Variants in DPP3 observed in about 807,000 individuals in gnomAD.
The protein encoded by DPP3 is dipeptidyl peptidase 3.
A neutral mutation model predicts 89.8 loss-of-function variants in DPP3; 64 were observed. The ratio of observed to expected loss-of-function variants is 0.71; its 90% CI spans 0.58 to 0.88. The LOEUF is 0.88. Among genes scored for constraint, DPP3 ranks in the 40% least tolerant of loss-of-function variants. The pLI is 0.00. For synonymous variants in DPP3, 377 were observed against 404.3 expected (o/e 0.93, Z 0.81); for missense variants, 835 against 972.5 (o/e 0.86, Z 1.88).
In DPP3 at chr11:66,509,372, T is replaced by C; in HGVS notation, c.*121T>C. On this transcript the variant is annotated 3_prime_UTR_variant, in exon 18 of 18. Transcript: ENST00000531863. ...CAGGAGCTTGGACCTTGGTACTACC[T>C]CAGCTGAGGGTGGTGACACAACCCC... 6.5e-7 allele frequency: 1 copy of C among 1,540,580 alleles called. No individual in the cohort carries two copies. The highest frequency in any genetic ancestry group is 8.7e-7 in the Non-Finnish European group (1 of 1,146,794).
chr11:66,508,042 C>T (rs1056317551), intron 17 of DPP3, among the ~76,000 whole-genome samples: 1 of 152,180 alleles, frequency 6.6e-6, no homozygotes, highest in African/African-American at 2.4e-5. Flanking sequence ...TTATTATCCT[C>T]ATTTTTCATC....
At chr11:66,487,383 G>T (rs1404707173) in intron 5 of DPP3, 41 bp downstream of exon 5, 2 of 1,598,442 alleles carry the variant, frequency 1.3e-6, no homozygotes, top group Non-Finnish European at 1.7e-6. Context: ...AGGTTTGGTG[G>T]GGTTCCTAGT....
chr11:66,488,302 C>G lies in DPP3; in HGVS notation c.667+295C>G, dbSNP rs958046711. On this transcript the variant is annotated intron_variant, in intron 6 of 17. Coordinates refer to ENST00000531863, the MANE Select transcript of DPP3 (RefSeq NM_130443.4). ...TCAGGCCGGGCATGGCAGCTCACACCTGTAATCCCAGCACTTTGGGAGGCA... is the reference window on the plus strand; with the variant it reads ...TCAGGCCGGGCATGGCAGCTCACACGTGTAATCCCAGCACTTTGGGAGGCA... Among the ~76,000 whole-genome samples, 6 of 152,228 alleles carry G rather than the reference C, an allele frequency of 3.9e-5. 1 individual carries two copies. Among genetic ancestry groups the G allele is most frequent in the African/African-American group, 1.4e-4 (6 of 41,462 alleles).
intron 17 of DPP3, among the ~76,000 whole-genome samples, chr11:66,507,767 C>T (rs1234045026): frequency 6.8e-6 from 1 of 147,890 alleles, no homozygotes. Flanking sequence ...CAACCTCCAC[C>T]TCCGGAGTCA....
At chr11:66,498,253 C>T (rs1855591626) in intron 16 of DPP3, among the ~76,000 whole-genome samples, 1 of 152,156 alleles carries the variant, frequency 6.6e-6, no homozygotes, top group Non-Finnish European at 1.5e-5. Context: ...GCCACCATGC[C>T]CGGCTAATTT....
rs201663539 is a variant in DPP3 at position 66,497,457 on chromosome 11, C to T, written c.1858C>T (p.Arg620Cys). 17 of 1,613,542 alleles carry T rather than the reference C, an allele frequency of 1.1e-5. 1 individual carries two copies. In the South Asian group the frequency reaches 1.2e-4, roughly 11 times the overall value. Residue 620 changes from arginine to cysteine, a missense_variant, in exon 16 of 18, where the codon CGC (arginine) becomes TGC (cysteine). Arg to Cys is a radical substitution (Grantham distance 180, BLOSUM62 -3). Coordinates refer to ENST00000531863, the MANE Select transcript of DPP3 (RefSeq NM_130443.4). Reference sequence around the variant, plus strand: ...GTCTGTGGGCAAGCCTGCTCTAGAGCGCTTCCTGCGGAGACTTCAGGTAAG... The same window carrying T: ...GTCTGTGGGCAAGCCTGCTCTAGAGTGCTTCCTGCGGAGACTTCAGGTAAG... ...IRSVGKPALE[R>C]FLRRLQVLKS...
Position 66,493,552 on chromosome 11 carries a change from C to T in DPP3, c.1308C>T (p.Ile436=). ...FLEEDDKDLY[I]LWKGPSFDVQ... ...GCTTGTCTTGGCAGGACCTGTACATCCTCTGGAAGGGGCCCTCCTTCGATG... is the reference window on the plus strand; with the variant it reads ...GCTTGTCTTGGCAGGACCTGTACATTCTCTGGAAGGGGCCCTCCTTCGATG... The change falls in exon 12 of 18, where the codon ATC becomes ATT. Residue 436 remains isoleucine, a synonymous_variant. Coordinates refer to ENST00000531863, the MANE Select transcript of DPP3 (RefSeq NM_130443.4). 1 of 1,613,190 alleles carries T rather than the reference C, an allele frequency of 6.2e-7. No homozygotes were observed. The highest frequency in any genetic ancestry group is 1.1e-5 in the South Asian group (1 of 91,058).
At chr11:66,507,788 C>T (rs930239188) in intron 17 of DPP3, among the ~76,000 whole-genome samples, 25 of 151,696 alleles carry the variant, frequency 1.6e-4, no homozygotes, top group Non-Finnish European at 2.5e-4. Flanking sequence ...AATGATTCTC[C>T]GGCCTCAGCC....
Position 66,486,685 on chromosome 11 carries a change from C to T in DPP3, c.498+8C>T. The T allele has an allele frequency of 1.3e-6, 2 of 1,497,662 alleles. No individual in the cohort carries two copies. Among genetic ancestry groups the T allele is most frequent in the Non-Finnish European group, 1.8e-6 (2 of 1,121,164 alleles). 92.8% of individuals were successfully genotyped at this position (1,497,662 alleles called of 1,614,324 possible). On this transcript the variant is annotated splice_region_variant and intron_variant, in intron 4 of 17. Coordinates refer to ENST00000531863, the MANE Select transcript of DPP3 (RefSeq NM_130443.4). ...CTCGGACTGGGGAAGGAGGTGAGGCCCCTGACTCCCCCGAGGGGACAGGGA... is the reference window on the plus strand; with the variant it reads ...CTCGGACTGGGGAAGGAGGTGAGGCTCCTGACTCCCCCGAGGGGACAGGGA...
chr11:66,492,257 C>T (rs962417373), intron 9 of DPP3, among the ~76,000 whole-genome samples: 16 of 152,166 alleles, frequency 1.1e-4, no homozygotes, highest in African/African-American at 3.9e-4. Flanking sequence ...GGGCTGTCAT[C>T]CCAGGCTGGT....
chr11:66,487,943 C>T lies in DPP3; in HGVS notation c.603C>T (p.Phe201=). ...QNLSAYNTRL[F]KEVDGEGKPY... ...TCAGTGCCTACAACACCCGGCTCTT[C>T]AAAGAGGTCGATGGAGAAGGGAAGC... Residue 201 remains phenylalanine, a synonymous_variant, in exon 6 of 18, where the codon TTC becomes TTT. Transcript: ENST00000531863. The T allele has an allele frequency of 6.2e-7, 1 of 1,614,084 alleles. No individual in the cohort carries two copies. Among genetic ancestry groups the T allele is most frequent in the African/African-American group, 1.3e-5 (1 of 75,044 alleles).
chr11:66,483,601 C>T lies in DPP3; in HGVS notation c.270+1131C>T, dbSNP rs186102452. Among the ~76,000 whole-genome samples the T allele has an allele frequency of 5.4e-3, 822 of 152,082 alleles. 8 individuals are homozygous for T. The highest frequency in any genetic ancestry group is 6.2e-3 in the Non-Finnish European group (423 of 67,976). ...TCATTACTGGACATTTAGCTTGTCC[C>T]GTTTTTCTTACAAACAGTGCCATGG... On this transcript the variant is annotated intron_variant, in intron 2 of 17. Transcript: ENST00000531863.
At chr11:66,504,104 A>G (rs994485517) in intron 16 of DPP3, among the ~76,000 whole-genome samples, 3 of 152,128 alleles carry the variant, frequency 2.0e-5, no homozygotes, top group Admixed American at 6.6e-5. Context: ...ACAGGCATGA[A>G]GCCTGTTTTC....
intron 17 of DPP3, among the ~76,000 whole-genome samples, chr11:66,505,145 C>T (rs949783807): frequency 2.0e-5 from 3 of 152,152 alleles, no homozygotes; most frequent in Non-Finnish European, 4.4e-5. Context: ...AGCTGGGATC[C>T]AGCAAGCCTA....
At chr11:66,491,670 C>A in intron 8 of DPP3, 28 bp from the exon 9 acceptor site, 1 of 1,610,486 alleles carries the variant, frequency 6.2e-7, no homozygotes, top group South Asian at 1.1e-5. Flanking sequence ...GCCTGCCCCT[C>A]CTCCACCTCT....
In DPP3 at chr11:66,495,492, AAG is replaced by A; in HGVS notation, c.1577+6_1577+7del. Reference sequence around the variant, plus strand: ...TGTCTCCACCCGCAAGTGCTGGAGTAAGAGCAGCAGGGCCGAGGGGCGGGCTG... The same window carrying A: ...TGTCTCCACCCGCAAGTGCTGGAGTAAGCAGCAGGGCCGAGGGGCGGGCTG... On this transcript the variant is annotated splice_donor_5th_base_variant and intron_variant, in intron 14 of 17. Transcript: ENST00000531863. 2 of 1,611,262 alleles carry A rather than the reference AAG, an allele frequency of 1.2e-6. No individual in the cohort carries two copies. Among genetic ancestry groups the A allele is most frequent in the Non-Finnish European group, 1.7e-6 (2 of 1,178,396 alleles).
In DPP3 at chr11:66,495,820, G is replaced by C; in HGVS notation, c.1698+70G>C. ...GTGGGTGCCAAGATCAGGGTGCAAG[G>C]ATGGGACCACTGTACCTTTAAGGCA... On this transcript the variant is annotated intron_variant, in intron 15 of 17. Coordinates refer to ENST00000531863, the MANE Select transcript of DPP3 (RefSeq NM_130443.4). 3 of 1,547,736 alleles carry C rather than the reference G, an allele frequency of 1.9e-6. No individual in the cohort carries two copies. In the South Asian group the frequency reaches 3.6e-5, roughly 18 times the overall value.
At chr11:66,505,051 C>T (rs527709318) in intron 17 of DPP3, among the ~76,000 whole-genome samples, 72 of 152,248 alleles carry the variant, frequency 4.7e-4, no homozygotes, top group South Asian at 4.4e-3. Context: ...GATAGCAGAA[C>T]ATGCAGACTT....
intron 17 of DPP3, among the ~76,000 whole-genome samples, chr11:66,506,335 A>T (rs1855800810): frequency 1.3e-5 from 2 of 151,582 alleles, no homozygotes; most frequent in Non-Finnish European, 2.9e-5. Context: ...GCCCACTGCA[A>T]TCTCTGCCTC....
Sources: allele counts gnomAD v4.1 joint callset (sites outside exome capture counted in the v4.1 genomes callset), GRCh38; gene constraint gnomAD v4.1.1; transcripts MANE v1.5; gene names NCBI Gene and HGNC (gene_info 2026-07-23, HGNC 2026-07-21).